The following NFIB variants were observed in gnomAD, a reference collection of about 807,000 sequenced individuals.
The protein encoded by NFIB is nuclear factor 1 B-type.
NFIB carries 11 observed loss-of-function variants against 61.5 expected under a neutral mutation model. The observed-to-expected ratio is 0.18, with a 90% CI of 0.11 to 0.30. The LOEUF is 0.30. NFIB is among the 10% of genes least tolerant of loss of function. NFIB has a pLI of 1.00. For synonymous variants in NFIB, 260 were observed against 216.5 expected (o/e 1.20, Z -1.76); for missense variants, 471 against 608.9 (o/e 0.77, Z 2.38).
chr9:14,433,939 C>G, the NFIB span, among the ~76,000 whole-genome samples: 1 of 152,208 alleles, frequency 6.6e-6, no homozygotes, highest in African/African-American at 2.4e-5. Flanking sequence ...TTCTCCCCTC[C>G]TGCCGTGACT....
At chr9:14,438,580 A>G in the NFIB span, among the ~76,000 whole-genome samples, 7 of 151,936 alleles carry the variant, frequency 4.6e-5, no homozygotes, top group Non-Finnish European at 7.4e-5. Context: ...GGAGGTGGAG[A>G]GGGGTTGTTG....
chr9:14,150,867 T>C (rs551893252), intron 4 of NFIB, among the ~76,000 whole-genome samples: 84 of 152,286 alleles, frequency 5.5e-4, no homozygotes, highest in African/African-American at 2.0e-3. Flanking sequence ...CTTCAGGTGA[T>C]GGATACCCCA....
At chr9:14,134,630 G>C (rs2040788945) in intron 6 of NFIB, among the ~76,000 whole-genome samples, 1 of 152,162 alleles carries the variant, frequency 6.6e-6, no homozygotes, top group Non-Finnish European at 1.5e-5. Context: ...GGTGGCTCAT[G>C]CCTGTAATCC....
intron 2 of NFIB, among the ~76,000 whole-genome samples, chr9:14,220,707 C>T (rs2051535782): frequency 6.6e-6 from 1 of 152,072 alleles, no homozygotes; most frequent in Admixed American, 6.6e-5. Flanking sequence ...CCTGCCCTCT[C>T]CCTTATTTCC....
In NFIB at chr9:14,182,708, C is replaced by CTCTCTGTGTG. The variant is rs778914837; in HGVS notation, c.563-2929_563-2928insCACACAGAGA. On this transcript the variant is annotated intron_variant, in intron 2 of 10. Coordinates refer to ENST00000380953, the MANE Select transcript of NFIB (RefSeq NM_001190737.2). ...CCTCTCTCTCTCTCTCTCTCTCTCT[C>CTCTCTGTGTG]TGTGTGTGTGTGTGTGTGTGTGTGT... 1.3e-3 allele frequency among the ~76,000 whole-genome samples: 129 copies of CTCTCTGTGTG among 96,998 alleles called. 1 individual carries two copies. Among genetic ancestry groups the CTCTCTGTGTG allele is most frequent in the African/African-American group, 3.6e-3 (82 of 22,750 alleles). The allele number at this position is 96,998 out of a possible 152,430, so 63.6% of individuals were successfully genotyped here.
At chr9:14,199,010 T>C (rs534968689) in intron 2 of NFIB, among the ~76,000 whole-genome samples, 1 of 152,304 alleles carries the variant, frequency 6.6e-6, no homozygotes, top group Admixed American at 6.5e-5. Context: ...GAGCTTTAAA[T>C]AGAATTCTAC....
At chr9:14,286,070 C>A (rs756859853) in intron 2 of NFIB, among the ~76,000 whole-genome samples, 1 of 152,212 alleles carries the variant, frequency 6.6e-6, no homozygotes, top group Admixed American at 6.5e-5. Flanking sequence ...TGATGGGACA[C>A]CACCAGACTG....
intron 2 of NFIB, among the ~76,000 whole-genome samples, chr9:14,287,416 G>A (rs938660826): frequency 6.7e-6 from 1 of 149,714 alleles, no homozygotes; most frequent in Non-Finnish European, 1.5e-5. Context: ...GTGACAGACC[G>A]AGACTCCGTC....
At chr9:14,501,829 C>T in the NFIB span, among the ~76,000 whole-genome samples, 1 of 152,212 alleles carries the variant, frequency 6.6e-6, no homozygotes, top group Non-Finnish European at 1.5e-5. Context: ...CTTCTCTCCC[C>T]CTGCCTTGGA....
At chr9:14,525,781 TTA>T in the NFIB span, among the ~76,000 whole-genome samples, 1 of 152,174 alleles carries the variant, frequency 6.6e-6, no homozygotes, top group Non-Finnish European at 1.5e-5. Flanking sequence ...ATGTGAATTT[TTA>T]AAAACTCAAC....
At chr9:14,135,161 T>C (rs2040896348) in intron 6 of NFIB, among the ~76,000 whole-genome samples, 1 of 152,178 alleles carries the variant, frequency 6.6e-6, no homozygotes, top group Non-Finnish European at 1.5e-5. Flanking sequence ...ATTTGAAAGT[T>C]TGTTTTTTCA....
chr9:14,127,563 T>A (rs2039835862), intron 6 of NFIB, among the ~76,000 whole-genome samples: 1 of 152,070 alleles, frequency 6.6e-6, no homozygotes, highest in South Asian at 2.1e-4. Context: ...AGAAAATAAA[T>A]CTTTATTAAA....
intron 3 of NFIB, among the ~76,000 whole-genome samples, chr9:14,160,859 AAAG>A (rs1563849120): frequency 3.3e-5 from 5 of 150,576 alleles, no homozygotes; most frequent in East Asian, 4.0e-4. Context: ...AAACAGAAAA[AAAG>A]AAGAAAGCAT....
intron 2 of NFIB, among the ~76,000 whole-genome samples, chr9:14,189,947 C>T (rs558809724): frequency 1.3e-5 from 2 of 152,120 alleles, no homozygotes; most frequent in South Asian, 4.2e-4. Context: ...TTTTAAGTTT[C>T]TACAACCTCT....
chr9:14,388,863 C>G (rs1317126510), intron 1 of NFIB, among the ~76,000 whole-genome samples: 4 of 152,106 alleles, frequency 2.6e-5, no homozygotes, highest in Admixed American at 2.0e-4. Context: ...TATGACATGT[C>G]TTGTAATTAA....
intron 1 of NFIB, among the ~76,000 whole-genome samples, chr9:14,385,783 TC>T (rs1363250776): frequency 6.6e-6 from 1 of 151,468 alleles, no homozygotes; most frequent in East Asian, 1.9e-4. Flanking sequence ...CACAGTGGAA[TC>T]TTTTTTTTTT....
chr9:14,494,288 C>A, the NFIB span, among the ~76,000 whole-genome samples: 1 of 152,218 alleles, frequency 6.6e-6, no homozygotes, highest in Non-Finnish European at 1.5e-5. Context: ...CTTGATTCAA[C>A]AGTTTCAAAG....
chr9:14,215,384 TAAG>T (rs2050749253), intron 2 of NFIB, among the ~76,000 whole-genome samples: 1 of 151,300 alleles, frequency 6.6e-6, no homozygotes, highest in Non-Finnish European at 1.5e-5. Flanking sequence ...AAGACTATGT[TAAG>T]AAGAAACGAT....
the NFIB span, among the ~76,000 whole-genome samples, chr9:14,449,648 G>A: frequency 0.025 from 3,821 of 152,176 alleles, 67 homozygotes; most frequent in Middle Eastern, 0.037. Flanking sequence ...AATATTTCTC[G>A]ACCGGGTACA....
Sources: gnomAD v4.1 joint callset for allele counts (sites outside exome capture counted in the v4.1 genomes callset) on GRCh38, gnomAD v4.1.1 for gene constraint, MANE v1.5 for transcripts, NCBI Gene and HGNC (gene_info 2026-07-23, HGNC 2026-07-21) for gene names.